Variants in SPATA13 observed in about 807,000 individuals in gnomAD.
The protein encoded by SPATA13 is spermatogenesis associated 13, also known as spermatogenesis-associated protein 13.
Under a neutral mutation model 104.0 loss-of-function variants are expected in SPATA13, and 50 were observed. The ratio of observed to expected loss-of-function variants is 0.48; its 90% confidence interval spans 0.38 to 0.61. The LOEUF is 0.61. Among genes scored for constraint, SPATA13 ranks in the 20% least tolerant of loss-of-function variants. The pLI is 0.00. For missense variants in SPATA13, 1,524 were observed against 1,690.6 expected (o/e 0.90, Z 1.73); for synonymous variants, 606 against 667.5 (o/e 0.91, Z 1.42).
rs186950069 is a variant in SPATA13, at chr13:24,086,922, G to T, written c.-112+69221G>T. On this transcript the variant is annotated intron_variant, in intron 3 of 14. Coordinates refer to the SPATA13 transcript ENST00000424834. ...CCCAGGAGGGAACCAGGAGAAGGCT[G>T]CTGCTTGGCAAACAGACCCGGTCTC... is the stretch of plus-strand genomic sequence containing the variant. 5.3e-3 allele frequency among the ~76,000 whole-genome samples: 812 copies of T among 152,312 alleles called. 2 individuals carry two copies. Among genetic ancestry groups the T allele is most frequent in the Non-Finnish European group, 8.1e-3 (548 of 68,018 alleles).
chr13:24,231,139 A>G (rs1204497868), intron 2 of SPATA13, among the ~76,000 whole-genome samples: 1 of 152,084 alleles, frequency 6.6e-6, no homozygotes, highest in Admixed American at 6.6e-5. Context: ...CTTTGTGTCT[A>G]CACCTTTTAT....
chr13:24,157,437 T>G (rs1220276732), upstream of SPATA13, among the ~76,000 whole-genome samples: 1 of 152,194 alleles, frequency 6.6e-6, no homozygotes, highest in Non-Finnish European at 1.5e-5. Context: ...TAGCTGGGAC[T>G]ACAGGCGCCC....
chr13:24,210,199 G>A lies in SPATA13; in HGVS notation c.-111-12620G>A, dbSNP rs79650548. Among the ~76,000 whole-genome samples the A allele has an allele frequency of 4.3e-3, 650 of 152,182 alleles. 5 individuals carry two copies. Among genetic ancestry groups the A allele is most frequent in the Admixed American group, 6.8e-3 (104 of 15,278 alleles). On this transcript the variant is annotated intron_variant, in intron 1 of 12. Transcript: ENST00000382108. ...GGTATTAGTCCTTTACTTGTTATAT[G>A]ACTTGCACATGTTTTCTCCTATTCC...
In SPATA13 at chr13:24,052,002, C is replaced by A. The variant is rs527799504; in HGVS notation, c.-112+34301C>A. On this transcript the variant is annotated intron_variant, in intron 3 of 14. Transcript: ENST00000424834. ...TCTGTGCACCTTGCCAGTCCTTTGG[C>A]TTCCTCTGCGTGCACTGAAGCCCTA... 5.3e-5 allele frequency among the ~76,000 whole-genome samples: 8 copies of A among 152,326 alleles called. No homozygotes were observed. In the East Asian group the frequency reaches 1.5e-3, roughly 29 times the overall value.
At chr13:24,060,908 G>T (rs1392255366) in intron 3 of SPATA13, among the ~76,000 whole-genome samples, 1 of 152,156 alleles carries the variant, frequency 6.6e-6, no homozygotes, top group East Asian at 1.9e-4. Context: ...GCATGCTAGT[G>T]CATGCCTGTA....
At chr13:24,024,711 T>TA (rs780844337) in intron 3 of SPATA13, among the ~76,000 whole-genome samples, 51 of 151,302 alleles carry the variant, frequency 3.4e-4, no homozygotes, top group Admixed American at 1.3e-3. Flanking sequence ...ATATATATGT[T>TA]ATATATATAG....
chr13:24,038,078 A>AT lies in SPATA13; in HGVS notation c.-112+20383dup, dbSNP rs1454350084. Among the ~76,000 whole-genome samples, 4 of 151,634 alleles carry AT rather than the reference A, an allele frequency of 2.6e-5. No homozygotes were observed. The East Asian group carries it at 7.9e-4, about 30-fold the overall frequency. ...AGGCGCCTGCCACCATGCCCAGCTA[A>AT]TTTTTTGTATTTTTTTAGTAGAGAC... On this transcript the variant is annotated intron_variant, in intron 3 of 14. Coordinates refer to the SPATA13 transcript ENST00000424834.
In SPATA13 at chr13:24,003,487, C is replaced by T. The variant is rs79296611; in HGVS notation, c.-146-14180C>T. Among the ~76,000 whole-genome samples, 1,056 of 152,250 alleles carry T rather than the reference C, an allele frequency of 6.9e-3. 21 individuals are homozygous for T. The highest frequency in any genetic ancestry group is 0.068 in the East Asian group (353 of 5,182). On this transcript the variant is annotated intron_variant, in intron 2 of 14. Coordinates refer to the SPATA13 transcript ENST00000424834. Reference sequence around the variant, plus strand: ...CTGCTGTGCCACAAAGCAAGTAATGCGTAATTTTTTCTTTGGAAGCATGTA... The same window carrying T: ...CTGCTGTGCCACAAAGCAAGTAATGTGTAATTTTTTCTTTGGAAGCATGTA...
upstream of SPATA13, among the ~76,000 whole-genome samples, chr13:24,157,819 T>G (rs1038296550): frequency 2.6e-5 from 4 of 152,118 alleles, no homozygotes; most frequent in Admixed American, 6.5e-5. Flanking sequence ...TTCAGAGCAT[T>G]TTCAAACAGG....
At chr13:24,194,664 T>A (rs1869952174) in intron 1 of SPATA13, among the ~76,000 whole-genome samples, 1 of 152,196 alleles carries the variant, frequency 6.6e-6, no homozygotes, top group South Asian at 2.1e-4. Flanking sequence ...CGCTTTCCAC[T>A]GGAAGGACTA....
intron 3 of SPATA13, among the ~76,000 whole-genome samples, chr13:24,076,081 T>A (rs1041675004): frequency 6.6e-6 from 1 of 152,172 alleles, no homozygotes; most frequent in Non-Finnish European, 1.5e-5. Flanking sequence ...GTTTCCCCAC[T>A]TGTAAAACAG....
chr13:23,990,821 A>G (rs1157153297), intron 2 of SPATA13, among the ~76,000 whole-genome samples: 1 of 152,196 alleles, frequency 6.6e-6, no homozygotes, highest in Non-Finnish European at 1.5e-5. Flanking sequence ...CTGGAGAACT[A>G]AAGGAGAATG....
intron 2 of SPATA13, among the ~76,000 whole-genome samples, chr13:24,229,703 TA>T (rs898741502): frequency 1.4e-4 from 21 of 151,096 alleles, no homozygotes; most frequent in African/African-American, 3.4e-4. Flanking sequence ...TCATGCTACT[TA>T]AAAAAAAAGC....
chr13:24,076,898 G>A (rs1033581931), intron 3 of SPATA13, among the ~76,000 whole-genome samples: 1 of 151,956 alleles, frequency 6.6e-6, no homozygotes, highest in East Asian at 1.9e-4. Context: ...GGCCAGATGG[G>A]CTGACACAGT....
chr13:24,153,028 T>A (rs1882148904), intron 3 of SPATA13, among the ~76,000 whole-genome samples: 1 of 152,238 alleles, frequency 6.6e-6, no homozygotes, highest in Non-Finnish European at 1.5e-5. Flanking sequence ...GTTGTGCGTG[T>A]GTGTGAGAAA....
intron 2 of SPATA13, among the ~76,000 whole-genome samples, chr13:24,233,275 A>G (rs1872384649): frequency 6.6e-6 from 1 of 152,224 alleles, no homozygotes. Context: ...TTTCTAATGA[A>G]TTGAACATGT....
chr13:24,297,392 A>C lies in SPATA13; in HGVS notation c.3240A>C (p.Glu1080Asp), dbSNP rs1204028810. The C allele has an allele frequency of 6.2e-7, 1 of 1,613,032 alleles. No homozygotes were observed. The highest frequency in any genetic ancestry group is 1.7e-5 in the Admixed American group (1 of 60,002). Residue 1080 changes from glutamate to aspartate, a missense_variant, in exon 11 of 13, where the codon GAA (glutamate) becomes GAC (aspartate). Coordinates refer to ENST00000382108, the MANE Select transcript of SPATA13 (RefSeq NM_001166271.3). ...EGLDILDRSS[E>D]LIHSGELTKI... ...TGGATATCTTAGACCGAAGCTCAGA[A>C]TTGATTCATTCTGGGGAGCTGACCA...
At chr13:24,209,762 G>A (rs1363239932) in intron 1 of SPATA13, among the ~76,000 whole-genome samples, 3 of 151,844 alleles carry the variant, frequency 2.0e-5, no homozygotes, top group Non-Finnish European at 2.9e-5. Context: ...TGTTGATTTC[G>A]TTTTTTTGGA....
At chr13:24,046,781 T>C (rs974049313) in intron 3 of SPATA13, among the ~76,000 whole-genome samples, 22 of 152,102 alleles carry the variant, frequency 1.4e-4, no homozygotes, top group Admixed American at 1.2e-3. Flanking sequence ...CCCATTTCTA[T>C]TGGATATATA....
Sources: allele counts gnomAD v4.1 joint callset (sites outside exome capture counted in the v4.1 genomes callset), GRCh38; gene constraint gnomAD v4.1.1; transcripts MANE v1.5; gene names NCBI Gene and HGNC (gene_info 2026-07-23, HGNC 2026-07-21).